The following CDH11 variants were observed in gnomAD, a reference collection of about 807,000 sequenced individuals.
CDH11 encodes the protein cadherin 11.
Under a neutral mutation model 67.8 loss-of-function variants are expected in CDH11, and 11 were observed. The ratio of observed to expected loss-of-function variants is 0.16; its 90% CI spans 0.10 to 0.27. The LOEUF (loss-of-function observed/expected upper bound fraction) is 0.27. Ranked by LOEUF, CDH11 falls within the 10% of genes least tolerant of loss-of-function variation. CDH11 has a pLI of 1.00. For missense variants in CDH11, 847 were observed against 1,031.2 expected (o/e 0.82, Z 2.45); for synonymous variants, 419 against 400.0 (o/e 1.05, Z -0.57).
chr16:64,948,191 G>C, intron 12 of CDH11, 92 bp from the exon 13 acceptor site: 2 of 1,479,470 alleles, frequency 1.4e-6, no homozygotes, highest in Non-Finnish European at 1.8e-6. Flanking sequence ...TAAACCATGA[G>C]GTATAAATGC....
chr16:64,971,221 T>C (rs942763805), intron 11 of CDH11, among the ~76,000 whole-genome samples: 1 of 152,190 alleles, frequency 6.6e-6, no homozygotes, highest in Non-Finnish European at 1.5e-5. Flanking sequence ...ACTAATCTCT[T>C]TTAATGCTTT....
At chr16:65,011,951 TTTTA>T (rs1181978879) in intron 2 of CDH11, among the ~76,000 whole-genome samples, 1 of 152,192 alleles carries the variant, frequency 6.6e-6, no homozygotes, top group Non-Finnish European at 1.5e-5. Context: ...ATCAAGCTTT[TTTTA>T]TTTGTCTGTT....
At chr16:65,069,368 T>A (rs1198536879) in intron 1 of CDH11, among the ~76,000 whole-genome samples, 1 of 152,072 alleles carries the variant, frequency 6.6e-6, no homozygotes, top group Admixed American at 6.5e-5. Context: ...TGAGTCAGAG[T>A]GAATGAATTC....
intron 1 of CDH11, among the ~76,000 whole-genome samples, chr16:65,096,899 C>A (rs2074908009): frequency 6.6e-6 from 1 of 152,114 alleles, no homozygotes; most frequent in Non-Finnish European, 1.5e-5. Flanking sequence ...TGTATTCTTA[C>A]CTGTATCCAA....
At chr16:65,107,823 C>T (rs1292966202) in intron 1 of CDH11, among the ~76,000 whole-genome samples, 1 of 150,248 alleles carries the variant, frequency 6.7e-6, no homozygotes, top group Non-Finnish European at 1.5e-5. Context: ...GATTTGAGGG[C>T]CAGGCCATTT....
At chr16:65,104,189 A>G (rs1387753369) in intron 1 of CDH11, among the ~76,000 whole-genome samples, 1 of 152,202 alleles carries the variant, frequency 6.6e-6, no homozygotes, top group Non-Finnish European at 1.5e-5. Flanking sequence ...ATTTCCTTTA[A>G]AAGTGAAGCA....
At chr16:65,034,461 T>C (rs1281524608) in intron 2 of CDH11, among the ~76,000 whole-genome samples, 1 of 152,172 alleles carries the variant, frequency 6.6e-6, no homozygotes, top group African/African-American at 2.4e-5. Context: ...CCTGTTATCC[T>C]GGCCACAGGC....
At chr16:65,046,078 A>G (rs548859840) in intron 2 of CDH11, among the ~76,000 whole-genome samples, 15 of 152,278 alleles carry the variant, frequency 9.9e-5, no homozygotes, top group Admixed American at 3.3e-4. Flanking sequence ...AGTACAAACT[A>G]TCCCTTTCCA....
chr16:64,997,747 T>G (rs1189960927), intron 4 of CDH11, among the ~76,000 whole-genome samples: 2 of 152,192 alleles, frequency 1.3e-5, no homozygotes, highest in African/African-American at 4.8e-5. Flanking sequence ...TGGAAGGATC[T>G]TAGCGTTCTA....
chr16:65,025,544 T>C (rs746850449), intron 2 of CDH11, among the ~76,000 whole-genome samples: 9 of 152,120 alleles, frequency 5.9e-5, no homozygotes, highest in Non-Finnish European at 1.0e-4. Flanking sequence ...TGTTTCACCA[T>C]ATTGGCCAGA....
chr16:64,992,708 T>C (rs1489836713), intron 5 of CDH11, among the ~76,000 whole-genome samples: 3 of 152,274 alleles, frequency 2.0e-5, no homozygotes, highest in Non-Finnish European at 4.4e-5. Context: ...CATCGTGAAA[T>C]ATGGGAAAAC....
intron 1 of CDH11, among the ~76,000 whole-genome samples, chr16:65,072,544 G>A (rs1181806612): frequency 6.6e-6 from 1 of 151,962 alleles, no homozygotes; most frequent in East Asian, 1.9e-4. Flanking sequence ...AAATTTTATG[G>A]ATATTTTTAA....
rs2071158566 is a variant in CDH11, at chr16:64,944,313, C to G, written c.*3290G>C. ...AGAGATGACCATGGCCCAGACCAGG[C>G]TGATGGCAGTGCAAGAGCAGAGAAG... On this transcript the variant is annotated 3_prime_UTR_variant, in exon 13 of 13. Coordinates refer to ENST00000268603, the MANE Select transcript of CDH11 (RefSeq NM_001797.4). The G allele has an allele frequency of 4.3e-6, 1 of 232,742 alleles. No homozygotes were observed. The highest frequency in any genetic ancestry group is 1.8e-4 in the South Asian group (1 of 5,524). 14.4% of individuals were successfully genotyped at this position (232,742 alleles called of 1,614,324 possible). A position where few individuals can be genotyped will look rare whatever the true frequency, so the allele number is the denominator to read the frequency against.
chr16:64,977,604 G>C (rs915122332), intron 8 of CDH11, among the ~76,000 whole-genome samples: 1 of 152,198 alleles, frequency 6.6e-6, no homozygotes, highest in Admixed American at 6.5e-5. Context: ...TCTGCACAAA[G>C]AGAATATAGT....
chr16:65,074,701 TAGAGA>T (rs988427973), intron 1 of CDH11, among the ~76,000 whole-genome samples: 68 of 151,832 alleles, frequency 4.5e-4, no homozygotes, highest in African/African-American at 1.6e-3. Context: ...CAGACAGAGA[TAGAGA>T]AGAGGAGGGG....
chr16:65,027,363 C>T (rs1303081750), intron 2 of CDH11, among the ~76,000 whole-genome samples: 1 of 152,206 alleles, frequency 6.6e-6, no homozygotes, highest in Non-Finnish European at 1.5e-5. Context: ...GAAGCCTATG[C>T]AGCTGGAGAT....
At chr16:65,049,355 G>A (rs944936193) in intron 2 of CDH11, among the ~76,000 whole-genome samples, 3 of 152,104 alleles carry the variant, frequency 2.0e-5, no homozygotes, top group Non-Finnish European at 4.4e-5. Flanking sequence ...GCACTACAGT[G>A]CTGTGCTTAG....
intron 10 of CDH11, 86 bp from the exon 11 acceptor site, chr16:64,971,782 G>T: frequency 7.2e-7 from 1 of 1,389,904 alleles, no homozygotes; most frequent in South Asian, 1.2e-5. Context: ...TAGAAAGCCT[G>T]ATTTTAATTA....
Position 64,946,751 on chromosome 16 carries a change from T to C in CDH11, c.*852A>G. ...TGGATCATTAGAAATACTTAACGTT[T>C]GTTTCAATGTTAAGAATCAAACCCA... On this transcript the variant is annotated 3_prime_UTR_variant, in exon 13 of 13. Transcript: ENST00000268603. 1.1e-6 allele frequency: 1 copy of C among 898,620 alleles called. No individual in the cohort carries two copies. Among genetic ancestry groups the C allele is most frequent in the Non-Finnish European group, 1.4e-6 (1 of 739,478 alleles). The allele number at this position is 898,620 out of a possible 1,614,324, so 55.7% of individuals were successfully genotyped here. A position where few individuals can be genotyped will look rare whatever the true frequency, so the allele number is the denominator to read the frequency against.
Sources: gnomAD v4.1 joint callset for allele counts (sites outside exome capture counted in the v4.1 genomes callset) on GRCh38, gnomAD v4.1.1 for gene constraint, MANE v1.5 for transcripts, NCBI Gene and HGNC (gene_info 2026-07-23, HGNC 2026-07-21) for gene names.